Variants in SMS observed in about 807,000 individuals in gnomAD.
The protein encoded by SMS is spermine synthase.
A neutral mutation model predicts 33.0 loss-of-function variants in SMS; 3 were observed. The observed-to-expected ratio is 0.09, with a 90% CI of 0.04 to 0.23. The LOEUF (loss-of-function observed/expected upper bound fraction) is 0.23. Among genes scored for constraint, SMS ranks in the 10% least tolerant of loss-of-function variants. SMS has a pLI of 1.00. For synonymous variants in SMS, 103 were observed against 112.2 expected (o/e 0.92, Z 0.52); for missense variants, 117 against 288.6 (o/e 0.41, Z 4.31).
In SMS at chrX:21,992,695, C is replaced by A. The variant is rs1381745137; in HGVS notation, c.1044C>A (p.Val348=). Residue 348 remains valine, a synonymous_variant, in exon 10 of 11, where the codon GTC becomes GTA. Transcript: ENST00000404933. ...PVEFSKEIVC[V]PSYLELWVFY... ...AATTTTCAAAGGAGATCGTCTGTGT[C>A]CCTTCATACTTGGAATTGTATCCTT... is the stretch of plus-strand genomic sequence containing the variant. 7 of 1,164,614 alleles carry A rather than the reference C, an allele frequency of 6.0e-6. No homozygotes were observed. The highest frequency in any genetic ancestry group is 8.2e-6 in the Non-Finnish European group (7 of 854,380).
Position 21,994,750 on chromosome X carries a change from A to G in SMS, c.*399A>G. On this transcript the variant is annotated 3_prime_UTR_variant, in exon 11 of 11. Transcript: ENST00000404933. ...GATCTTGATGGTGTTTCTTTCCCCA[A>G]AAATTGACTTAGATATTAAAATTTG... 1.3e-6 allele frequency: 1 copy of G among 763,942 alleles called. No individual in the cohort carries two copies. The highest frequency in any genetic ancestry group is 1.5e-6 in the Non-Finnish European group (1 of 645,558). The allele number at this position is 763,942 out of a possible 1,213,427, so 63.0% of individuals were successfully genotyped here.
At chrX:21,984,453 A>G (rs1196592154) in intron 8 of SMS, 35 bp downstream of exon 8, 3 of 869,438 alleles carry the variant, frequency 3.5e-6, no homozygotes, top group East Asian at 6.2e-5. Flanking sequence ...TATGATGGAA[A>G]TGTTTCTCTT....
chrX:21,959,585 A>G (rs913467734), intron 1 of SMS, among the ~76,000 whole-genome samples: 1 of 112,738 alleles, frequency 8.9e-6, no homozygotes, highest in Non-Finnish European at 1.9e-5. Flanking sequence ...GTTTTGACCA[A>G]TGCATACAGT....
chrX:21,971,822 A>ATC (rs752803645), intron 2 of SMS, 75 bp from the exon 3 acceptor site: 95 of 649,512 alleles, frequency 1.5e-4, no homozygotes, highest in African/African-American at 3.6e-4. Context: ...ATTGGGTGAC[A>ATC]TCTCTCTCTC....
chrX:21,958,049 C>A (rs183010177), intron 1 of SMS, among the ~76,000 whole-genome samples: 4 of 108,981 alleles, frequency 3.7e-5, no homozygotes, highest in African/African-American at 1.3e-4. Flanking sequence ...TAAATATTTT[C>A]TCCCACTCTA....
intron 9 of SMS, among the ~76,000 whole-genome samples, chrX:21,986,641 A>G (rs1033431491): frequency 3.6e-5 from 4 of 112,201 alleles, no homozygotes; most frequent in South Asian, 3.6e-4. Flanking sequence ...AGCACTATCA[A>G]TGAATGGAGT....
intron 1 of SMS, among the ~76,000 whole-genome samples, chrX:21,949,389 A>G (rs1431681735): frequency 8.9e-6 from 1 of 112,214 alleles, no homozygotes; most frequent in Non-Finnish European, 1.9e-5. Flanking sequence ...GCCAGTGGAT[A>G]AAGATGCTCA....
intron 2 of SMS, among the ~76,000 whole-genome samples, 197 bp downstream of exon 2, chrX:21,967,513 G>A (rs1320997837): frequency 9.0e-6 from 1 of 111,429 alleles, no homozygotes; most frequent in African/African-American, 3.3e-5. Flanking sequence ...AGGTTCTTAA[G>A]CTCTCATGTA....
intron 6 of SMS, 65 bp from the exon 7 acceptor site, chrX:21,978,812 T>C (rs1309486778): frequency 2.6e-6 from 2 of 766,987 alleles, no homozygotes; most frequent in Non-Finnish European, 4.1e-6. Flanking sequence ...CTTAATCCTT[T>C]CTTTAAAGTA....
At position 21,994,554 on chromosome X, in the gene SMS, A is replaced by G; in HGVS notation, c.*203A>G. ...GTGTTTTTTTTTTGAAAGTCAGCTG[A>G]AGGATGGTTAGACAGCACAGCGAAG... On this transcript the variant is annotated 3_prime_UTR_variant, in exon 11 of 11. Coordinates refer to ENST00000404933, the MANE Select transcript of SMS (RefSeq NM_004595.5). The G allele has an allele frequency of 9.6e-7, 1 of 1,043,822 alleles. No homozygotes were observed. Among genetic ancestry groups the G allele is most frequent in the Non-Finnish European group, 1.2e-6 (1 of 818,565 alleles). The allele number at this position is 1,043,822 out of a possible 1,213,427, so 86.0% of individuals were successfully genotyped here.
At chrX:21,946,724 G>T (rs772885409) in intron 1 of SMS, among the ~76,000 whole-genome samples, 1 of 111,552 alleles carries the variant, frequency 9.0e-6, no homozygotes, top group Non-Finnish European at 1.9e-5. Context: ...GTCCTGCAGC[G>T]CACAGGACAA....
intron 1 of SMS, among the ~76,000 whole-genome samples, chrX:21,951,645 T>C (rs1347819264): frequency 9.0e-6 from 1 of 111,163 alleles, no homozygotes; most frequent in Non-Finnish European, 1.9e-5. Flanking sequence ...GTCCAGTTTC[T>C]GTTTTCTGCA....
chrX:21,955,167 A>G (rs1463591901), intron 1 of SMS, among the ~76,000 whole-genome samples: 7 of 112,148 alleles, frequency 6.2e-5, no homozygotes, highest in Admixed American at 5.6e-4. Flanking sequence ...AAATGGTATG[A>G]CCTGTAAGGG....
chrX:21,980,426 A>AG (rs1218439226), intron 7 of SMS, among the ~76,000 whole-genome samples: 4 of 85,858 alleles, frequency 4.7e-5, no homozygotes, highest in African/African-American at 1.5e-4. Context: ...AAAAAAAAAA[A>AG]AAAATATATA....
At chrX:21,976,218 A>G (rs1924523653) in intron 4 of SMS, among the ~76,000 whole-genome samples, 1 of 111,417 alleles carries the variant, frequency 9.0e-6, no homozygotes, top group Admixed American at 9.6e-5. Flanking sequence ...TCTGCATGCT[A>G]AAACCACTGG....
intron 1 of SMS, among the ~76,000 whole-genome samples, chrX:21,954,847 G>GT (rs1191802394): frequency 9.3e-4 from 102 of 109,425 alleles, no homozygotes; most frequent in South Asian, 6.3e-3. Context: ...TTGAAGTATT[G>GT]TTTTTTTTTG....
chrX:21,987,240 G>GC (rs911321308), intron 9 of SMS, among the ~76,000 whole-genome samples: 5 of 111,800 alleles, frequency 4.5e-5, no homozygotes, highest in African/African-American at 1.6e-4. Flanking sequence ...CAGGTGATAC[G>GC]CCCCCCTCGG....
chrX:21,940,924 C>T (rs1356106592), intron 1 of SMS, 51 bp downstream of exon 1: 3 of 887,648 alleles, frequency 3.4e-6, no homozygotes, highest in African/African-American at 4.3e-5. Flanking sequence ...CTCCCGCCGC[C>T]TGGCGGGCTG....
chrX:21,990,932 A>T (rs915876022), intron 9 of SMS, among the ~76,000 whole-genome samples: 1 of 112,337 alleles, frequency 8.9e-6, no homozygotes, highest in Non-Finnish European at 1.9e-5. Context: ...GCCATATCCC[A>T]CTGCAGGACC....
Sources: allele counts gnomAD v4.1 joint callset (sites outside exome capture counted in the v4.1 genomes callset), GRCh38; gene constraint gnomAD v4.1.1; transcripts MANE v1.5; gene names NCBI Gene and HGNC (gene_info 2026-07-23, HGNC 2026-07-21).